The following MEIS2 variants were observed in gnomAD, a reference collection of about 807,000 sequenced individuals.
MEIS2 encodes Meis homeobox 2.
MEIS2 carries 9 observed loss-of-function variants against 58.6 expected under a neutral mutation model. That is an observed-to-expected ratio of 0.15 (90% CI 0.09 to 0.27). The LOEUF is 0.27. Ranked by LOEUF, MEIS2 falls within the 10% of genes least tolerant of loss-of-function variation. The pLI is 1.00. For missense variants in MEIS2, 427 were observed against 635.0 expected (o/e 0.67, Z 3.52); for synonymous variants, 221 against 228.4 (o/e 0.97, Z 0.29).
rs2140105901 is a variant in MEIS2, at chr15:37,099,620, A to T, written c.-154T>A. On this transcript the variant is annotated 5_prime_UTR_variant, in exon 1 of 12. Transcript: ENST00000561208. ...ATATGCTATTTTTTAGGGGGGAAAA[A>T]AAGCCCAGTCTAGACAACGAAGAAT... is the stretch of plus-strand genomic sequence containing the variant. The T allele has an allele frequency of 9.1e-7, 1 of 1,104,014 alleles. No individual in the cohort carries two copies. The highest frequency in any genetic ancestry group is 1.8e-5 in the South Asian group (1 of 55,906). The allele number at this position is 1,104,014 out of a possible 1,614,324, so 68.4% of individuals were successfully genotyped here.
intron 9 of MEIS2, among the ~76,000 whole-genome samples, chr15:36,920,658 ATC>A (rs2057470417): frequency 1.3e-5 from 2 of 152,244 alleles, no homozygotes; most frequent in African/African-American, 2.4e-5. Flanking sequence ...GCAGATAACA[ATC>A]TCTTATTTCT....
intron 9 of MEIS2, among the ~76,000 whole-genome samples, chr15:36,943,352 A>G (rs1476311080): frequency 2.0e-5 from 3 of 152,160 alleles, no homozygotes; most frequent in Non-Finnish European, 4.4e-5. Flanking sequence ...AGAAGTAGGT[A>G]GAGGCTTGTG....
intron 8 of MEIS2, among the ~76,000 whole-genome samples, chr15:37,032,574 TC>T (rs1207306925): frequency 1.1e-4 from 16 of 152,230 alleles, no homozygotes; most frequent in African/African-American, 3.9e-4. Context: ...TTGGGTACTT[TC>T]CAGCAAAGGC....
chr15:36,896,051 T>C (rs1336437732), intron 10 of MEIS2, among the ~76,000 whole-genome samples: 1 of 152,212 alleles, frequency 6.6e-6, no homozygotes, highest in African/African-American at 2.4e-5. Flanking sequence ...GATAGTACCA[T>C]ACAAAAACTG....
At chr15:37,088,062 T>C (rs557320035) in intron 6 of MEIS2, among the ~76,000 whole-genome samples, 22 of 152,076 alleles carry the variant, frequency 1.4e-4, no homozygotes, top group Non-Finnish European at 2.2e-4. Flanking sequence ...AAACATTAGA[T>C]TGGAATTAAG....
intron 8 of MEIS2, among the ~76,000 whole-genome samples, chr15:37,020,611 T>C (rs1315787173): frequency 5.9e-5 from 9 of 152,024 alleles, no homozygotes; most frequent in Admixed American, 5.9e-4. Flanking sequence ...TTAGAGAGCT[T>C]TATTAGTGCC....
chr15:37,020,069 CGAAGGTCA>C (rs2061472746), intron 8 of MEIS2, among the ~76,000 whole-genome samples: 1 of 152,232 alleles, frequency 6.6e-6, no homozygotes, highest in East Asian at 1.9e-4. Context: ...TAGATAACAG[CGAAGGTCA>C]GAAGGCATTG....
chr15:36,998,144 G>A, intron 8 of MEIS2, among the ~76,000 whole-genome samples: 1 of 151,500 alleles, frequency 6.6e-6, no homozygotes, highest in East Asian at 1.9e-4. Context: ...CTTAAAGGTG[G>A]ATCCCATAAA....
intron 8 of MEIS2, among the ~76,000 whole-genome samples, chr15:36,994,865 G>A (rs1046705260): frequency 1.3e-5 from 2 of 152,134 alleles, no homozygotes; most frequent in African/African-American, 4.8e-5. Flanking sequence ...GTTGAACACT[G>A]ATGATTCTGG....
At chr15:36,967,817 G>T (rs1029138360) in intron 8 of MEIS2, among the ~76,000 whole-genome samples, 4 of 152,030 alleles carry the variant, frequency 2.6e-5, no homozygotes, top group South Asian at 2.1e-4. Flanking sequence ...TATACACTGT[G>T]TTTCCCAGTC....
At chr15:37,063,022 G>A (rs559378744) in intron 7 of MEIS2, among the ~76,000 whole-genome samples, 1 of 152,092 alleles carries the variant, frequency 6.6e-6, no homozygotes, top group Non-Finnish European at 1.5e-5. Context: ...TACTTACAGG[G>A]TGGATTTTTA....
chr15:37,044,339 G>A (rs550450228), intron 7 of MEIS2, among the ~76,000 whole-genome samples: 3 of 152,202 alleles, frequency 2.0e-5, no homozygotes, highest in East Asian at 3.9e-4. Context: ...AGAGAGACAC[G>A]GGATGACAGT....
At chr15:36,975,338 A>G (rs1193902831) in intron 8 of MEIS2, among the ~76,000 whole-genome samples, 2 of 152,176 alleles carry the variant, frequency 1.3e-5, no homozygotes, top group Non-Finnish European at 2.9e-5. Flanking sequence ...TACTTCCCAA[A>G]AGGCCTGTGA....
At chr15:36,975,796 G>A (rs760443421) in intron 8 of MEIS2, among the ~76,000 whole-genome samples, 2 of 152,110 alleles carry the variant, frequency 1.3e-5, no homozygotes, top group Admixed American at 6.5e-5. Context: ...GAGATCTATC[G>A]TACAGCATGG....
intron 9 of MEIS2, among the ~76,000 whole-genome samples, chr15:36,943,012 A>G (rs1482689152): frequency 6.6e-6 from 1 of 152,122 alleles, no homozygotes; most frequent in African/African-American, 2.4e-5. Context: ...GTTAGAGGGT[A>G]ATTTGAAAAT....
At chr15:37,043,218 T>C (rs1158340739) in intron 7 of MEIS2, among the ~76,000 whole-genome samples, 1 of 152,226 alleles carries the variant, frequency 6.6e-6, no homozygotes, top group Non-Finnish European at 1.5e-5. Flanking sequence ...AATAGTTAAA[T>C]ATGTTCATAC....
chr15:37,003,920 G>A (rs1265458096), intron 8 of MEIS2, among the ~76,000 whole-genome samples: 1 of 152,174 alleles, frequency 6.6e-6, no homozygotes. Flanking sequence ...ACCAGACACT[G>A]AATTTGCCAG....
At chr15:36,972,405 G>A (rs1337153283) in intron 8 of MEIS2, among the ~76,000 whole-genome samples, 1 of 152,070 alleles carries the variant, frequency 6.6e-6, no homozygotes, top group African/African-American at 2.4e-5. Context: ...TGCTTCAGTG[G>A]CTTTCCATTA....
At chr15:36,982,274 C>A (rs951506519) in intron 8 of MEIS2, among the ~76,000 whole-genome samples, 9 of 152,160 alleles carry the variant, frequency 5.9e-5, no homozygotes, top group African/African-American at 2.2e-4. Flanking sequence ...CATTAGATCT[C>A]CAAACTTACT....
Sources: gnomAD v4.1 joint callset for allele counts (sites outside exome capture counted in the v4.1 genomes callset) on GRCh38, gnomAD v4.1.1 for gene constraint, MANE v1.5 for transcripts, NCBI Gene and HGNC (gene_info 2026-07-23, HGNC 2026-07-21) for gene names.